GPC3: variants seen among roughly 807,000 people sequenced by gnomAD.
GPC3 encodes the protein glypican-3.
Under a neutral mutation model 34.4 loss-of-function variants are expected in GPC3, and 3 were observed. The observed-to-expected ratio is 0.09, with a 90% CI of 0.04 to 0.23. The LOEUF (loss-of-function observed/expected upper bound fraction) is 0.23. GPC3 is among the 10% of genes least tolerant of loss of function. GPC3 has a pLI of 1.00. For missense variants in GPC3, 351 were observed against 445.6 expected (o/e 0.79, Z 1.91); for synonymous variants, 177 against 174.0 (o/e 1.02, Z -0.13).
At chrX:133,683,834 G>C (rs939565139) in intron 5 of GPC3, among the ~76,000 whole-genome samples, 6 of 111,846 alleles carry the variant, frequency 5.4e-5, no homozygotes, top group Admixed American at 3.8e-4. Context: ...ATTGCCACGA[G>C]AGTATGTCCT....
chrX:133,811,431 TTTTTG>T (rs1306161967), intron 2 of GPC3, among the ~76,000 whole-genome samples: 1 of 111,775 alleles, frequency 8.9e-6, no homozygotes, highest in African/African-American at 3.3e-5. Flanking sequence ...GTTTTTTGTT[TTTTTG>T]TTTTGTTTTG....
chrX:133,867,875 G>A (rs2075975735), intron 2 of GPC3, among the ~76,000 whole-genome samples: 1 of 107,844 alleles, frequency 9.3e-6, no homozygotes, highest in Non-Finnish European at 1.9e-5. Flanking sequence ...ACGCCAAGAG[G>A]AGTTCAGCTA....
intron 7 of GPC3, among the ~76,000 whole-genome samples, chrX:133,572,876 A>G (rs1033288958): frequency 2.7e-5 from 3 of 112,076 alleles, no homozygotes; most frequent in Non-Finnish European, 5.6e-5. Flanking sequence ...CCTGAAATAG[A>G]AGAGGAAGAA....
intron 7 of GPC3, among the ~76,000 whole-genome samples, chrX:133,588,174 A>G (rs2069809706): frequency 9.0e-6 from 1 of 111,363 alleles, no homozygotes; most frequent in Non-Finnish European, 1.9e-5. Context: ...GCAATCTACA[A>G]CTTACGTGAC....
At chrX:133,657,319 C>T (rs2070672722) in intron 6 of GPC3, among the ~76,000 whole-genome samples, 1 of 111,445 alleles carries the variant, frequency 9.0e-6, no homozygotes, top group Admixed American at 9.6e-5. Context: ...GGATAAATGG[C>T]CCATAGTATT....
At chrX:133,982,958 A>G (rs2076547958) in intron 1 of GPC3, among the ~76,000 whole-genome samples, 1 of 112,274 alleles carries the variant, frequency 8.9e-6, no homozygotes, top group Admixed American at 9.4e-5. Flanking sequence ...CTCTTCCCTA[A>G]AATACTGATG....
At chrX:133,614,811 T>C (rs1342032127) in intron 6 of GPC3, among the ~76,000 whole-genome samples, 1 of 111,515 alleles carries the variant, frequency 9.0e-6, no homozygotes, top group Non-Finnish European at 1.9e-5. Context: ...TTAGTTAGAC[T>C]ACCCAGAAAC....
chrX:133,892,333 T>C (rs2076091722), intron 2 of GPC3, among the ~76,000 whole-genome samples: 1 of 111,825 alleles, frequency 8.9e-6, no homozygotes, highest in Non-Finnish European at 1.9e-5. Flanking sequence ...TTTCAAATGC[T>C]GTAATGAGCT....
chrX:133,908,246 C>G (rs1336853047), intron 2 of GPC3, among the ~76,000 whole-genome samples: 1 of 111,779 alleles, frequency 8.9e-6, no homozygotes, highest in Non-Finnish European at 1.9e-5. Flanking sequence ...ATGCCAGGCA[C>G]TACAGTTCTT....
Position 133,779,699 on chromosome X carries a change from A to T in GPC3, c.338-25523T>A, listed in dbSNP as rs756863319. 3.6e-5 allele frequency among the ~76,000 whole-genome samples: 4 copies of T among 110,755 alleles called. No individual in the cohort carries two copies. The South Asian group carries it at 1.6e-3, about 44-fold the overall frequency. On this transcript the variant is annotated intron_variant, in intron 2 of 7. Coordinates refer to ENST00000370818, the MANE Select transcript of GPC3 (RefSeq NM_004484.4). ...CCTTGCTTAGCCAATTTTATCTTGC[A>T]TGGGTTTAGATGATTCATAGGAGTT...
At chrX:133,869,282 G>C (rs1444848386) in intron 2 of GPC3, among the ~76,000 whole-genome samples, 3 of 112,019 alleles carry the variant, frequency 2.7e-5, no homozygotes, top group African/African-American at 9.7e-5. Flanking sequence ...CACAAAAAGA[G>C]TCATCTTAGA....
chrX:133,940,767 G>A (rs960869155), intron 2 of GPC3, among the ~76,000 whole-genome samples: 4 of 112,075 alleles, frequency 3.6e-5, no homozygotes, highest in African/African-American at 1.3e-4. Context: ...TTCTTCCACT[G>A]TAAGCCATCT....
intron 2 of GPC3, among the ~76,000 whole-genome samples, chrX:133,898,129 C>T (rs1218680296): frequency 2.7e-5 from 3 of 111,278 alleles, no homozygotes; most frequent in South Asian, 7.6e-4. Context: ...GGCAGTAATC[C>T]GATATAATAA....
chrX:133,739,204 G>A (rs2071540985), intron 3 of GPC3, among the ~76,000 whole-genome samples: 1 of 111,291 alleles, frequency 9.0e-6, no homozygotes, highest in Non-Finnish European at 1.9e-5. Context: ...CTGTGGACAT[G>A]GGGATATTAG....
intron 2 of GPC3, among the ~76,000 whole-genome samples, chrX:133,889,125 G>A (rs989784272): frequency 1.8e-5 from 2 of 112,179 alleles, no homozygotes; most frequent in Non-Finnish European, 3.8e-5. Context: ...TGCTTAATGA[G>A]GTCCTTTTCT....
At chrX:133,673,006 A>G (rs1438062977) in intron 5 of GPC3, among the ~76,000 whole-genome samples, 1 of 105,356 alleles carries the variant, frequency 9.5e-6, no homozygotes, top group Non-Finnish European at 1.9e-5. Flanking sequence ...CAATGGCGCA[A>G]TCTCGGCTCC....
chrX:133,633,959 T>C (rs2070392029), intron 6 of GPC3, among the ~76,000 whole-genome samples: 1 of 112,206 alleles, frequency 8.9e-6, no homozygotes, highest in African/African-American at 3.2e-5. Context: ...TCTCCTGGCA[T>C]AGTCATATTC....
chrX:133,641,529 A>G (rs994429991), intron 6 of GPC3, among the ~76,000 whole-genome samples: 1 of 110,698 alleles, frequency 9.0e-6, no homozygotes. Flanking sequence ...AAAGAAAACA[A>G]AAGGTAGAGA....
chrX:133,933,457 G>T (rs1049853971), intron 2 of GPC3, among the ~76,000 whole-genome samples: 2 of 110,956 alleles, frequency 1.8e-5, no homozygotes, highest in Non-Finnish European at 3.8e-5. Flanking sequence ...ACTAGGAACT[G>T]CAATCTAAGT....
Sources: allele counts gnomAD v4.1 joint callset (sites outside exome capture counted in the v4.1 genomes callset), GRCh38; gene constraint gnomAD v4.1.1; transcripts MANE v1.5; gene names NCBI Gene and HGNC (gene_info 2026-07-23, HGNC 2026-07-21).